CLTB: variants seen among roughly 807,000 people sequenced by gnomAD.
CLTB encodes clathrin, light chain (Lcb).
A neutral mutation model predicts 30.5 loss-of-function variants in CLTB; 10 were observed. The ratio of observed to expected loss-of-function variants is 0.33; its 90% confidence interval spans 0.20 to 0.56. CLTB has a LOEUF of 0.56. Ranked by LOEUF, CLTB falls within the 20% of genes least tolerant of loss-of-function variation. The pLI, the probability that CLTB is intolerant of heterozygous loss-of-function variation, is 0.91. For missense variants in CLTB, 261 were observed against 308.3 expected (o/e 0.85, Z 1.15); for synonymous variants, 102 against 120.3 (o/e 0.85, Z 1.00).
intron 1 of CLTB, among the ~76,000 whole-genome samples, chr5:176,412,593 C>A (rs1342896570): frequency 6.6e-6 from 1 of 152,212 alleles, no homozygotes; most frequent in Non-Finnish European, 1.5e-5. Flanking sequence ...CCTTCACCAG[C>A]CAGACAGGGC....
intron 5 of CLTB, among the ~76,000 whole-genome samples, chr5:176,394,679 G>A (rs1756429345): frequency 6.6e-6 from 1 of 152,124 alleles, no homozygotes; most frequent in African/African-American, 2.4e-5. Flanking sequence ...GCCGGGCATG[G>A]TGGCGGGCAC....
At chr5:176,416,127 T>A in intron 1 of CLTB, 50 bp downstream of exon 1, 1 of 1,443,640 alleles carries the variant, frequency 6.9e-7, no homozygotes, top group Non-Finnish European at 9.0e-7. Context: ...CCGGCCGGGG[T>A]CCCCCGGGTG....
chr5:176,416,093 C>G (rs1757675991), intron 1 of CLTB, 84 bp downstream of exon 1: 1 of 1,305,280 alleles, frequency 7.7e-7, no homozygotes, highest in Non-Finnish European at 1.0e-6. Flanking sequence ...CTAGAGCAGG[C>G]TCTCTTCCCT....
chr5:176,410,471 C>A (rs1757369095), intron 1 of CLTB, among the ~76,000 whole-genome samples, 168 bp from the exon 2 acceptor site: 1 of 152,194 alleles, frequency 6.6e-6, no homozygotes, highest in African/African-American at 2.4e-5. Context: ...CAATCCCACC[C>A]CTGACTGTTT....
chr5:176,409,782 T>TA (rs1461057623), intron 2 of CLTB, among the ~76,000 whole-genome samples: 1 of 152,216 alleles, frequency 6.6e-6, no homozygotes, highest in African/African-American at 2.4e-5. Context: ...GCTGGACACT[T>TA]AGGTTGTCTC....
intron 1 of CLTB, among the ~76,000 whole-genome samples, chr5:176,414,536 A>G (rs1403953024): frequency 6.6e-6 from 1 of 151,848 alleles, no homozygotes; most frequent in African/African-American, 2.4e-5. Flanking sequence ...CCCGGGCTCA[A>G]GCTATGCTCC....
chr5:176,411,060 C>T (rs927662332), intron 1 of CLTB, among the ~76,000 whole-genome samples: 4 of 152,244 alleles, frequency 2.6e-5, no homozygotes, highest in Admixed American at 6.5e-5. Context: ...CCGCTAGGGG[C>T]AAACACCTGG....
intron 2 of CLTB, among the ~76,000 whole-genome samples, chr5:176,403,977 C>A (rs1471734911): frequency 2.0e-5 from 3 of 151,424 alleles, no homozygotes; most frequent in Non-Finnish European, 4.4e-5. Flanking sequence ...CCAGGCTGGT[C>A]TCAAACTCCT....
intron 4 of CLTB, among the ~76,000 whole-genome samples, 167 bp from the exon 5 acceptor site, chr5:176,396,699 A>G (rs1481754264): frequency 6.6e-6 from 1 of 151,938 alleles, no homozygotes; most frequent in Admixed American, 6.6e-5. Context: ...CACAGCCCCA[A>G]ACAGGAGAAT....
At chr5:176,407,831 G>A (rs1581441904) in intron 2 of CLTB, among the ~76,000 whole-genome samples, 2 of 152,192 alleles carry the variant, frequency 1.3e-5, no homozygotes, top group East Asian at 3.9e-4. Context: ...TTTCCAGCTT[G>A]CTGATAGTTG....
chr5:176,406,704 AC>A, intron 2 of CLTB: 1 of 1,286,820 alleles, frequency 7.8e-7, no homozygotes. Context: ...CTGGTGGTGC[AC>A]GGGCTGCAGA....
intron 2 of CLTB, among the ~76,000 whole-genome samples, chr5:176,409,040 G>C (rs1032211981): frequency 6.6e-6 from 1 of 151,962 alleles, no homozygotes; most frequent in Non-Finnish European, 1.5e-5. Context: ...GCAGTGGCGT[G>C]ATCTCGGCTC....
chr5:176,410,244 G>A lies in CLTB; in HGVS notation c.234+13C>T, dbSNP rs778872519. The A allele has an allele frequency of 1.2e-6, 2 of 1,613,398 alleles. No homozygotes were observed. Among genetic ancestry groups the A allele is most frequent in the Admixed American group, 1.7e-5 (1 of 59,990 alleles). Reference sequence around the variant, plus strand: ...GTTGGTCCTTACCACTGCTGAGACAGAGCCTTGCTTACCTGAAACACATCT... The same window carrying A: ...GTTGGTCCTTACCACTGCTGAGACAAAGCCTTGCTTACCTGAAACACATCT... On this transcript the variant is annotated intron_variant, in intron 2 of 5. Transcript: ENST00000310418.
At chr5:176,403,502 T>G (rs762561365) in intron 2 of CLTB, among the ~76,000 whole-genome samples, 1 of 152,072 alleles carries the variant, frequency 6.6e-6, no homozygotes, top group African/African-American at 2.4e-5. Flanking sequence ...TCACCCAGGC[T>G]GGAGTGCAGT....
chr5:176,403,554 A>G (rs1756948914), intron 2 of CLTB, among the ~76,000 whole-genome samples: 1 of 149,026 alleles, frequency 6.7e-6, no homozygotes, highest in Non-Finnish European at 1.5e-5. Context: ...TCCCGGGTTC[A>G]AGCAATTCTC....
At chr5:176,403,914 C>T (rs1271453531) in intron 2 of CLTB, among the ~76,000 whole-genome samples, 2 of 152,186 alleles carry the variant, frequency 1.3e-5, no homozygotes, top group South Asian at 2.1e-4. Context: ...GTGGGCACCA[C>T]CACACCCGAC....
At chr5:176,412,544 G>A (rs145891303) in intron 1 of CLTB, among the ~76,000 whole-genome samples, 8 of 152,354 alleles carry the variant, frequency 5.3e-5, no homozygotes, top group Admixed American at 2.0e-4. Flanking sequence ...AAAAAGCCAT[G>A]GAGGCCACAT....
chr5:176,406,412 G>A (rs771657916), intron 2 of CLTB: 26 of 1,161,880 alleles, frequency 2.2e-5, no homozygotes, highest in East Asian at 1.4e-4. Context: ...CCAGCCAAGC[G>A]TGTGCTGCGA....
At position 176,392,936 on chromosome 5, in the gene CLTB, C is replaced by T. The variant is rs1756323808; in HGVS notation, c.528G>A (p.Glu176=). Residue 176 remains glutamate, a synonymous_variant, in exon 6 of 6, where the codon GAG becomes GAA. Transcript: ENST00000310418. The surrounding 1 kb of genome is among the most constrained non-coding windows in gnomAD (Gnocchi z 5.2). ...DADIIGYVAS[E]EAFVKESKEE... Reference sequence around the variant, plus strand: ...CCTTGGATTCCTTCACGAAAGCCTCCTCGGATGCCCTGCGGGTGGAGATAG... The same window carrying T: ...CCTTGGATTCCTTCACGAAAGCCTCTTCGGATGCCCTGCGGGTGGAGATAG... The T allele has an allele frequency of 1.9e-6, 3 of 1,614,094 alleles. No individual in the cohort carries two copies. The highest frequency in any genetic ancestry group is 2.5e-6 in the Non-Finnish European group (3 of 1,179,972).
Sources: allele counts gnomAD v4.1 joint callset (sites outside exome capture counted in the v4.1 genomes callset), GRCh38; gene constraint gnomAD v4.1.1; non-coding constraint Gnocchi (gnomAD v3.1); transcripts MANE v1.5; gene names NCBI Gene and HGNC (gene_info 2026-07-23, HGNC 2026-07-21).